The following BTBD8 variants were observed in gnomAD, a reference collection of about 807,000 sequenced individuals.
BTBD8 encodes BTB domain containing 8, also known as BTB/POZ domain-containing protein 8.
BTBD8 carries 110 observed loss-of-function variants against 162.9 expected under a neutral mutation model. The ratio of observed to expected loss-of-function variants is 0.68; its 90% CI spans 0.58 to 0.79. BTBD8 has a LOEUF of 0.79. BTBD8 is among the 30% of genes least tolerant of loss of function. The pLI, the probability that BTBD8 is intolerant of heterozygous loss-of-function variation, is 0.00. For missense variants in BTBD8, 1,905 were observed against 2,085.4 expected, an observed-to-expected ratio of 0.91 and a Z score of 1.68; for synonymous variants, 667 against 716.1, an observed-to-expected ratio of 0.93 and a Z score of 1.10.
At position 92,184,272 on chromosome 1, in the gene BTBD8, C is replaced by T. The variant is rs1570765553; in HGVS notation, c.5321C>T (p.Ser1774Phe). The part of the protein sequence containing the change: ...SASITMASFS[S>F]EDCSPQGEWT... ...AGCATCACCATGGCTAGTTTTTCCT[C>T]TGAAGATTGTTCGCCTCAAGGCGAG... Residue 1774 changes from serine (S) to phenylalanine (F), a missense_variant, in exon 18 of 18, where the codon TCT becomes TTT. Physicochemically the swap from Ser to Phe is radical, Grantham distance 155 (BLOSUM62 -2). This residue lies in a region of BTBD8 where 517 missense variants were observed against 606.6 expected (regional missense o/e 0.85). Coordinates refer to ENST00000636805, the MANE Select transcript of BTBD8 (RefSeq NM_001376131.1). 2 of 1,551,590 alleles carry T rather than the reference C, an allele frequency of 1.3e-6. No homozygotes were observed. Among genetic ancestry groups the T allele is most frequent in the East Asian group, 4.9e-5 (2 of 40,914 alleles).
intron 7 of BTBD8, among the ~76,000 whole-genome samples, chr1:92,144,962 T>C (rs1306809057): frequency 3.9e-5 from 6 of 152,122 alleles, no homozygotes; most frequent in Non-Finnish European, 1.5e-5. Flanking sequence ...TTCTTTTTTG[T>C]TGTTGTTTTT....
In BTBD8 at chr1:92,180,846, A is replaced by C; in HGVS notation, c.3163A>C (p.Lys1055Gln). 6.4e-7 allele frequency: 1 copy of C among 1,551,498 alleles called. No homozygotes were observed. The highest frequency in any genetic ancestry group is 8.7e-7 in the Non-Finnish European group (1 of 1,146,964). The change falls in exon 17 of 18, where the codon AAA (lysine) becomes CAA (glutamine). Residue 1055 changes from lysine (K) to glutamine (Q), a missense_variant. Physicochemically the swap from Lys to Gln is moderately conservative, Grantham distance 53 (BLOSUM62 1). Around this residue, in one of 3 missense-constraint regions of BTBD8, gnomAD observed 1,374 missense variants for 1,442.7 expected, o/e 0.95. Coordinates refer to ENST00000636805, the MANE Select transcript of BTBD8 (RefSeq NM_001376131.1). ...GATTTGTTTAGATAAAAGTGAAACAAAATTTCCCAATCACAAAGAAACAGA... is the reference window on the plus strand; with the variant it reads ...GATTTGTTTAGATAAAAGTGAAACACAATTTCCCAATCACAAAGAAACAGA... ...KQICLDKSET[K>Q]FPNHKETDDC...
intron 5 of BTBD8, among the ~76,000 whole-genome samples, chr1:92,130,077 T>C (rs1649473254): frequency 6.6e-6 from 1 of 152,226 alleles, no homozygotes; most frequent in African/African-American, 2.4e-5. Context: ...GCAGTTTTGG[T>C]GTCTGATGAG....
rs1397277886 is a variant in BTBD8, at chr1:92,126,381, C to G, written c.663-3306C>G. 11 of 687,998 alleles carry G rather than the reference C, an allele frequency of 1.6e-5. No homozygotes were observed. In the East Asian group the frequency reaches 2.5e-4, roughly 16 times the overall value. The allele number at this position is 687,998 out of a possible 1,614,324, so 42.6% of individuals were successfully genotyped here. ...CTTGAAGTACATTAAGCTGGACCAGCCTAGATTTGAATGTGCTCTTGCCCA... is the reference window on the plus strand; with the variant it reads ...CTTGAAGTACATTAAGCTGGACCAGGCTAGATTTGAATGTGCTCTTGCCCA... On this transcript the variant is annotated intron_variant, in intron 4 of 17. Coordinates refer to ENST00000636805, the MANE Select transcript of BTBD8 (RefSeq NM_001376131.1).
At chr1:92,158,502 CCA>C (rs1195518923) in intron 9 of BTBD8, among the ~76,000 whole-genome samples, 6 of 152,104 alleles carry the variant, frequency 3.9e-5, no homozygotes, top group Admixed American at 3.9e-4. Context: ...ACTTCTCCCC[CCA>C]CACATACACT....
chr1:92,174,363 T>TG, intron 13 of BTBD8, among the ~76,000 whole-genome samples: 1 of 151,110 alleles, frequency 6.6e-6, no homozygotes, highest in East Asian at 1.9e-4. Flanking sequence ...AATGTTTGTA[T>TG]TTTTTTTTGT....
chr1:92,176,679 A>G (rs750391131), intron 13 of BTBD8, 150 bp from the exon 14 acceptor site: 1 of 435,466 alleles, frequency 2.3e-6, no homozygotes. Context: ...GTTTTGATCC[A>G]AATGATCAAA....
At chr1:92,167,651 A>T (rs1398681247) in intron 10 of BTBD8, among the ~76,000 whole-genome samples, 197 bp from the exon 11 acceptor site, 1 of 152,260 alleles carries the variant, frequency 6.6e-6, no homozygotes, top group African/African-American at 2.4e-5. Context: ...CCTAGAACTT[A>T]AAGTATAATA....
chr1:92,143,455 A>G lies in BTBD8; in HGVS notation c.930+2244A>G, dbSNP rs116619125. Among the ~76,000 whole-genome samples, 267 of 152,224 alleles carry G rather than the reference A, an allele frequency of 1.8e-3. 3 individuals are homozygous for G. The highest frequency in any genetic ancestry group is 5.9e-3 in the African/African-American group (243 of 41,524). ...CAGAAAATGAAGTTTATTTTTAATT[A>G]TCAGTACGGTATTTTGTTGAAAACT... On this transcript the variant is annotated intron_variant, in intron 7 of 17. Transcript: ENST00000636805.
intron 7 of BTBD8, among the ~76,000 whole-genome samples, chr1:92,143,351 G>A (rs1287977353): frequency 1.3e-5 from 2 of 151,596 alleles, no homozygotes; most frequent in Non-Finnish European, 2.9e-5. Flanking sequence ...TGGGTTTTAT[G>A]CAGCTTCTTG....
chr1:92,096,685 A>C (rs1290823369), intron 2 of BTBD8, among the ~76,000 whole-genome samples: 3 of 151,840 alleles, frequency 2.0e-5, no homozygotes, highest in Non-Finnish European at 2.9e-5. Context: ...CTACAGGTGC[A>C]TGCCACCACA....
intron 17 of BTBD8, 40 bp from the exon 18 acceptor site, chr1:92,183,824 G>T: frequency 7.2e-7 from 1 of 1,386,526 alleles, no homozygotes; most frequent in Non-Finnish European, 9.7e-7. Flanking sequence ...GGGTACCAAC[G>T]TGCAATTTTT....
intron 4 of BTBD8, among the ~76,000 whole-genome samples, chr1:92,108,887 T>C (rs149124996): frequency 1.5e-4 from 23 of 152,346 alleles, no homozygotes; most frequent in African/African-American, 5.3e-4. Flanking sequence ...GGTAATCTTC[T>C]AGGTTCAGGG....
In BTBD8 at chr1:92,165,108, A is replaced by G. The variant is rs1266360518; in HGVS notation, c.1123-1850A>G. Reference sequence around the variant, plus strand: ...TACATTCCAGCCTGGGTGACAGAGCAAGACTTGTGTCAAAAAAAAAAAAAA... The same window carrying G: ...TACATTCCAGCCTGGGTGACAGAGCGAGACTTGTGTCAAAAAAAAAAAAAA... On this transcript the variant is annotated intron_variant, in intron 9 of 17. Transcript: ENST00000636805. Among the ~76,000 whole-genome samples, 6 of 150,262 alleles carry G rather than the reference A, an allele frequency of 4.0e-5. No individual in the cohort carries two copies. In the East Asian group the frequency reaches 1.2e-3, roughly 29 times the overall value.
intron 4 of BTBD8, among the ~76,000 whole-genome samples, chr1:92,123,051 A>AT (rs1649257795): frequency 6.6e-6 from 1 of 151,920 alleles, no homozygotes; most frequent in Non-Finnish European, 1.5e-5. Context: ...GTCAAGTTTA[A>AT]TTTTTTTTCT....
chr1:92,123,285 G>A (rs1026167201), intron 4 of BTBD8, among the ~76,000 whole-genome samples: 2 of 152,116 alleles, frequency 1.3e-5, no homozygotes, highest in African/African-American at 4.8e-5. Flanking sequence ...CTGAAATCAC[G>A]TTTTCCACCT....
intron 12 of BTBD8, among the ~76,000 whole-genome samples, chr1:92,170,334 C>T (rs1167561055): frequency 6.6e-6 from 1 of 152,068 alleles, no homozygotes; most frequent in Non-Finnish European, 1.5e-5. Flanking sequence ...TGAGTTCTGA[C>T]TTATGCATAA....
intron 9 of BTBD8, among the ~76,000 whole-genome samples, chr1:92,156,804 G>A (rs1356579233): frequency 6.6e-6 from 1 of 151,740 alleles, no homozygotes; most frequent in East Asian, 1.9e-4. Context: ...ATTTTGGATT[G>A]TATAATATTT....
At chr1:92,129,357 G>A (rs1431660438) in intron 4 of BTBD8, among the ~76,000 whole-genome samples, 2 of 152,062 alleles carry the variant, frequency 1.3e-5, no homozygotes, top group East Asian at 3.9e-4. Flanking sequence ...GATACTGCAT[G>A]CCTGTAGTGT....
Sources: allele counts gnomAD v4.1 joint callset (sites outside exome capture counted in the v4.1 genomes callset), GRCh38; gene constraint gnomAD v4.1.1; regional missense constraint gnomAD v4.1.1; transcripts MANE v1.5; gene names NCBI Gene and HGNC (gene_info 2026-07-23, HGNC 2026-07-21).